The following SDK1 variants were observed in gnomAD, a reference collection of about 807,000 sequenced individuals.
The protein encoded by SDK1 is protein sidekick-1.
Under a neutral mutation model 245.5 loss-of-function variants are expected in SDK1, and 157 were observed. The observed-to-expected ratio is 0.64, with a 90% CI of 0.56 to 0.73. The LOEUF (loss-of-function observed/expected upper bound fraction) is 0.73. Ranked by LOEUF, SDK1 falls within the 30% of genes least tolerant of loss-of-function variation. The probability of loss-of-function intolerance (pLI) is 0.00; values close to 1 mark genes in which losing one functional copy is unlikely to be tolerated. For missense variants in SDK1, 3,583 were observed against 3,002.3 expected (o/e 1.19, Z -4.52); for synonymous variants, 1,647 against 1,278.5 (o/e 1.29, Z -6.15).
At chr7:3,568,992 T>G (rs1780016328) in intron 1 of SDK1, among the ~76,000 whole-genome samples, 1 of 145,050 alleles carries the variant, frequency 6.9e-6, no homozygotes, top group Non-Finnish European at 1.5e-5. Flanking sequence ...TGCCGAATAT[T>G]TAGTGTGGCA....
At chr7:3,917,504 G>A (rs917568703) in intron 5 of SDK1, among the ~76,000 whole-genome samples, 1 of 152,152 alleles carries the variant, frequency 6.6e-6, no homozygotes, top group African/African-American at 2.4e-5. Context: ...GTGCTCAGGG[G>A]CATCAGGTTG....
chr7:4,022,875 G>A lies in SDK1; in HGVS notation c.2602+5523G>A, dbSNP rs1787025152. Among the ~76,000 whole-genome samples, 5 of 150,394 alleles carry A rather than the reference G, an allele frequency of 3.3e-5. No individual in the cohort carries two copies. In the South Asian group the frequency reaches 1.1e-3, roughly 32 times the overall value. On this transcript the variant is annotated intron_variant, in intron 17 of 44. Transcript: ENST00000404826. Reference sequence around the variant, plus strand: ...TGCAAGCTCCACCTCCTGGGTTCACGCCGTTCTCCTGCCTCAGCCTCCCAA... The same window carrying A: ...TGCAAGCTCCACCTCCTGGGTTCACACCGTTCTCCTGCCTCAGCCTCCCAA...
chr7:3,874,227 CAT>C, intron 5 of SDK1, among the ~76,000 whole-genome samples: 1 of 152,314 alleles, frequency 6.6e-6, no homozygotes, highest in Admixed American at 6.5e-5. Flanking sequence ...CTAGTGGAAT[CAT>C]GTGTTCATAG....
intron 4 of SDK1, among the ~76,000 whole-genome samples, chr7:3,704,398 C>T (rs1784828555): frequency 6.7e-6 from 1 of 149,430 alleles, no homozygotes; most frequent in South Asian, 2.1e-4. Context: ...AATGGCCATT[C>T]TTGCAGGAGT....
intron 1 of SDK1, among the ~76,000 whole-genome samples, chr7:3,462,597 A>C (rs1583892992): frequency 6.6e-6 from 1 of 152,136 alleles, no homozygotes; most frequent in Non-Finnish European, 1.5e-5. Context: ...CTCAAACTCA[A>C]CTCGAACTAG....
intron 22 of SDK1, among the ~76,000 whole-genome samples, chr7:4,108,823 C>G (rs976534909): frequency 3.3e-5 from 5 of 152,224 alleles, no homozygotes; most frequent in African/African-American, 1.2e-4. Flanking sequence ...ATAGCAGTCA[C>G]TTCCCATCCC....
At chr7:3,333,484 C>T (rs1057254059) in intron 1 of SDK1, among the ~76,000 whole-genome samples, 4 of 152,116 alleles carry the variant, frequency 2.6e-5, no homozygotes, top group Non-Finnish European at 5.9e-5. Context: ...CTGTCTGTGT[C>T]TCTCATTATC....
chr7:3,552,303 A>T (rs980226303), intron 1 of SDK1, among the ~76,000 whole-genome samples: 1 of 152,130 alleles, frequency 6.6e-6, no homozygotes, highest in Non-Finnish European at 1.5e-5. Flanking sequence ...GGCCTCCCAA[A>T]GTGTGGGGAT....
intron 4 of SDK1, among the ~76,000 whole-genome samples, chr7:3,806,050 G>A (rs947873909): frequency 2.0e-5 from 3 of 152,092 alleles, no homozygotes; most frequent in Admixed American, 6.5e-5. Context: ...ATGCCCTGAG[G>A]TCAAAGACAA....
chr7:3,592,363 G>A (rs771169564), intron 1 of SDK1, among the ~76,000 whole-genome samples: 3 of 152,156 alleles, frequency 2.0e-5, no homozygotes, highest in Non-Finnish European at 2.9e-5. Flanking sequence ...CCTGCAAAAT[G>A]AGAAGGAATC....
At chr7:4,110,559 C>G in intron 22 of SDK1, 104 bp from the exon 23 acceptor site, 2 of 786,006 alleles carry the variant, frequency 2.5e-6, no homozygotes, top group Non-Finnish European at 4.4e-6. Flanking sequence ...GGACGCCTTG[C>G]AGCCCTGCCC....
chr7:4,035,602 G>A (rs1366886497), intron 17 of SDK1, among the ~76,000 whole-genome samples: 1 of 152,196 alleles, frequency 6.6e-6, no homozygotes, highest in African/African-American at 2.4e-5. Flanking sequence ...TTTGGGAAAT[G>A]AGATTTTCAG....
intron 1 of SDK1, among the ~76,000 whole-genome samples, chr7:3,513,109 T>A (rs1782633379): frequency 6.6e-6 from 1 of 152,158 alleles, no homozygotes; most frequent in Admixed American, 6.5e-5. Context: ...TTTCCAATGT[T>A]TATATTAATA....
At chr7:3,961,705 C>T (rs1321695748) in intron 8 of SDK1, among the ~76,000 whole-genome samples, 1 of 152,162 alleles carries the variant, frequency 6.6e-6, no homozygotes, top group African/African-American at 2.4e-5. Flanking sequence ...ATATCCAACC[C>T]CTTTGATAGG....
chr7:3,659,547 G>T (rs940364803), intron 4 of SDK1, among the ~76,000 whole-genome samples: 1 of 152,176 alleles, frequency 6.6e-6, no homozygotes, highest in Admixed American at 6.5e-5. Context: ...GGCCTGTGTG[G>T]TACATTCTCC....
rs534666143 is a variant in SDK1, at chr7:3,502,682, A to G, written c.299-116398A>G. ...ACTTATATTTTTTAATTTTAAAAAT[A>G]TTAAAATTTTGACAATTTTATGTGT... is the stretch of plus-strand genomic sequence containing the variant. On this transcript the variant is annotated intron_variant, in intron 1 of 44. Transcript: ENST00000404826. Among the ~76,000 whole-genome samples, 9 of 152,366 alleles carry G rather than the reference A, an allele frequency of 5.9e-5. No individual in the cohort carries two copies. The East Asian group carries it at 1.7e-3, about 29-fold the overall frequency.
At chr7:3,695,520 A>G (rs1039594572) in intron 4 of SDK1, among the ~76,000 whole-genome samples, 6 of 152,166 alleles carry the variant, frequency 3.9e-5, no homozygotes, top group Non-Finnish European at 5.9e-5. Context: ...AGATTATATC[A>G]TAGGTGTTTT....
chr7:3,866,418 C>T (rs182390945), intron 5 of SDK1, among the ~76,000 whole-genome samples: 55 of 152,214 alleles, frequency 3.6e-4, no homozygotes, highest in African/African-American at 8.9e-4. Flanking sequence ...GTGCTTTGAA[C>T]GATGAAAGGG....
chr7:3,557,557 G>C lies in SDK1; in HGVS notation c.299-61523G>C, dbSNP rs538868826. ...ATGTGCTAACATTTTATAGAATTAA[G>C]TACACACCTACAAGTAAATATCAAA... On this transcript the variant is annotated intron_variant, in intron 1 of 44. Coordinates refer to ENST00000404826, the MANE Select transcript of SDK1 (RefSeq NM_152744.4). Among the ~76,000 whole-genome samples the C allele has an allele frequency of 3.3e-5, 5 of 152,276 alleles. No individual in the cohort carries two copies. In the South Asian group the frequency reaches 1.0e-3, roughly 32 times the overall value.
Sources: gnomAD v4.1 joint callset for allele counts (sites outside exome capture counted in the v4.1 genomes callset) on GRCh38, gnomAD v4.1.1 for gene constraint, MANE v1.5 for transcripts, NCBI Gene and HGNC (gene_info 2026-07-23, HGNC 2026-07-21) for gene names.